FBXL19: variants seen among roughly 807,000 people sequenced by gnomAD.
FBXL19 encodes F-box/LRR-repeat protein 19.
Under a neutral mutation model 71.2 loss-of-function variants are expected in FBXL19, and 16 were observed. That is an observed-to-expected ratio of 0.22 (90% CI 0.15 to 0.34). FBXL19 has a LOEUF of 0.34. Among genes scored for constraint, FBXL19 ranks in the 10% least tolerant of loss-of-function variants. The pLI is 1.00. For missense variants in FBXL19, 658 were observed against 968.2 expected, an observed-to-expected ratio of 0.68 and a Z score of 4.25; for synonymous variants, 447 against 409.4, an observed-to-expected ratio of 1.09 and a Z score of -1.11.
In FBXL19 at chr16:30,930,921, C is replaced by T. The variant is rs1212139811; in HGVS notation, c.1301+337C>T. On this transcript the variant is annotated intron_variant, in intron 7 of 10. Transcript: ENST00000338343. This position sits in a 1 kb window ranked among gnomAD's most constrained non-coding sequence, Gnocchi z 8.5. ...CCAGTGCCTTTCCTCCTAATAGTAG[C>T]GACTATATTGAGTGTCTAGTGTGTG... is the stretch of plus-strand genomic sequence containing the variant. Among the ~76,000 whole-genome samples the T allele has an allele frequency of 6.6e-6, 1 of 152,106 alleles. No homozygotes were observed. The highest frequency in any genetic ancestry group is 1.5e-5 in the Non-Finnish European group (1 of 68,034).
rs2055662150 is a variant in FBXL19 at position 30,930,604 on chromosome 16, C to T, written c.1301+20C>T. 1.4e-6 allele frequency: 2 copies of T among 1,414,828 alleles called. No individual in the cohort carries two copies. Among genetic ancestry groups the T allele is most frequent in the Non-Finnish European group, 1.8e-6 (2 of 1,089,520 alleles). The allele number at this position is 1,414,828 out of a possible 1,614,324, so 87.6% of individuals were successfully genotyped here. ...CCGCTGGTGAGTGGCCTGGACAGGC[C>T]TGCGTTCCGTGGCCAGCAGGCTTCC... On this transcript the variant is annotated intron_variant, in intron 7 of 10. Transcript: ENST00000338343. The surrounding 1 kb of genome is among the most constrained non-coding windows in gnomAD (Gnocchi z 8.5).
intron 7 of FBXL19, among the ~76,000 whole-genome samples, chr16:30,935,265 G>A (rs2055719910): frequency 6.6e-6 from 1 of 152,184 alleles, no homozygotes; most frequent in African/African-American, 2.4e-5. Context: ...CGGACAGTGG[G>A]CAGTGAGATC....
At position 30,927,428 on chromosome 16, in the gene FBXL19, A is replaced by G. The variant is rs2055604888; in HGVS notation, c.298A>G (p.Ile100Val). Reference sequence around the variant, plus strand: ...CATGGAGTGTACAATCTGCAACGAGATCGTCCACCCCGGCTGCCTGAAGGT... The same window carrying G: ...CATGGAGTGTACAATCTGCAACGAGGTCGTCCACCCCGGCTGCCTGAAGGT... The part of the protein sequence containing the change: ...SLMECTICNE[I>V]VHPGCLKMGK... The change falls in exon 3 of 11, where the codon ATC becomes GTC. Residue 100 changes from isoleucine to valine, a missense_variant. Ile to Val is a conservative substitution (Grantham distance 29). This residue lies in a region of FBXL19 where 447 missense variants were observed against 515.4 expected (regional missense o/e 0.87). Coordinates refer to ENST00000338343, the MANE Select transcript of FBXL19 (RefSeq NM_001382779.1). 1 of 1,592,952 alleles carries G rather than the reference A, an allele frequency of 6.3e-7. No homozygotes were observed. Among genetic ancestry groups the G allele is most frequent in the Non-Finnish European group, 8.5e-7 (1 of 1,169,788 alleles).
intron 7 of FBXL19, among the ~76,000 whole-genome samples, chr16:30,941,473 AT>A (rs35117629): frequency 6.6e-6 from 1 of 152,000 alleles, no homozygotes; most frequent in African/African-American, 2.4e-5. Context: ...CTCAAAAAAA[AT>A]TTTTTTTCAA....
Position 30,948,072 on chromosome 16 carries a change from T to G in FBXL19, c.*842T>G. ...TCTCGGACCTGGGGGAGCCGGGGTG[T>G]GAGGGGACTGGACCAGCTTGGACTG... On this transcript the variant is annotated 3_prime_UTR_variant, in exon 11 of 11. Transcript: ENST00000338343. 3.4e-6 allele frequency: 1 copy of G among 290,810 alleles called. No homozygotes were observed. Among genetic ancestry groups the G allele is most frequent in the Non-Finnish European group, 6.9e-6 (1 of 144,698 alleles). The allele number at this position is 290,810 out of a possible 1,614,324, so 18.0% of individuals were successfully genotyped here.
At chr16:30,923,102 C>G, upstream of FBXL19, 1 of 456,658 alleles carries the variant, frequency 2.2e-6, no homozygotes, top group South Asian at 1.5e-5. Context: ...TTGTTCCTGA[C>G]GAGTAGAAAT....
chr16:30,931,085 T>G (rs113134731), intron 7 of FBXL19, among the ~76,000 whole-genome samples: 3 of 152,158 alleles, frequency 2.0e-5, no homozygotes, highest in African/African-American at 4.8e-5. Context: ...CAGCCAGGCT[T>G]GAACCTCCTG....
rs751696755 is a variant in FBXL19, at chr16:30,930,367, C to T, written c.1084C>T (p.Leu362Phe). 1.3e-6 allele frequency: 2 copies of T among 1,559,614 alleles called. No individual in the cohort carries two copies. Among genetic ancestry groups the T allele is most frequent in the East Asian group, 2.3e-5 (1 of 42,782 alleles). ...GCGCCCTGGCAGTGGGGGGCCCCTA[C>T]TCAGCTGGCCCCTGGGCCCAGCCCC... Reference protein sequence around the residue: ...AVRPGSGGPLLSWPLGPAPPP... With the variant: ...AVRPGSGGPLFSWPLGPAPPP... Residue 362 changes from leucine (L) to phenylalanine (F), a missense_variant, in exon 7 of 11, where the codon CTC (leucine) becomes TTC (phenylalanine). By Grantham distance (22) the Leu-to-Phe change is conservative. Coordinates refer to ENST00000338343, the MANE Select transcript of FBXL19 (RefSeq NM_001382779.1). This position sits in a 1 kb window ranked among gnomAD's most constrained non-coding sequence, Gnocchi z 8.5.
chr16:30,946,703 G>A lies in FBXL19; in HGVS notation c.1628-27G>A, dbSNP rs1212934659. On this transcript the variant is annotated intron_variant, in intron 9 of 10. Transcript: ENST00000338343. The surrounding 1 kb of genome is among the most constrained non-coding windows in gnomAD (Gnocchi z 6.7). ...GGCGCAGGGATGGGAGTGGCCAGGA[G>A]TGCTGACCTCTCATCTGGCTGCCCA... The A allele has an allele frequency of 3.1e-6, 5 of 1,599,128 alleles. No homozygotes were observed. The highest frequency in any genetic ancestry group is 2.2e-5 in the South Asian group (2 of 88,974).
At position 30,947,138 on chromosome 16, in the gene FBXL19, C is replaced by T. The variant is rs768259449; in HGVS notation, c.1933C>T (p.Leu645Phe). 1 of 1,600,330 alleles carries T rather than the reference C, an allele frequency of 6.2e-7. No individual in the cohort carries two copies. Among genetic ancestry groups the T allele is most frequent in the Non-Finnish European group, 8.5e-7 (1 of 1,179,452 alleles). Residue 645 changes from leucine to phenylalanine, a missense_variant, in exon 11 of 11, where the codon CTC (leucine) becomes TTC (phenylalanine). This residue lies in a region of FBXL19 where 69 missense variants were observed against 177.8 expected (regional missense o/e 0.39). Transcript: ENST00000338343. ...RRLDLRSCRQLSPEACARLAA... is the reference protein window; with the variant it reads ...RRLDLRSCRQFSPEACARLAA... ...CCTAGACCTGCGCTCCTGCCGCCAGCTCTCACCCGAAGCTTGTGCCCGGCT... is the reference window on the plus strand; with the variant it reads ...CCTAGACCTGCGCTCCTGCCGCCAGTTCTCACCCGAAGCTTGTGCCCGGCT...
chr16:30,929,486 C>T (rs755091623), intron 6 of FBXL19, among the ~76,000 whole-genome samples: 4 of 152,218 alleles, frequency 2.6e-5, no homozygotes, highest in Non-Finnish European at 4.4e-5. Flanking sequence ...AAAGCAGGGT[C>T]TCTCATTTCT....
At position 30,946,761 on chromosome 16, in the gene FBXL19, G is replaced by T. The variant is rs1236043195; in HGVS notation, c.1659G>T (p.Gly553=). 3.1e-6 allele frequency: 5 copies of T among 1,613,324 alleles called. No individual in the cohort carries two copies. The highest frequency in any genetic ancestry group is 1.7e-6 in the Non-Finnish European group (2 of 1,179,768). The change falls in exon 10 of 11, where the codon GGG becomes GGT. Residue 553 remains glycine (G), a synonymous_variant. Transcript: ENST00000338343. This position sits in a 1 kb window ranked among gnomAD's most constrained non-coding sequence, Gnocchi z 6.7. ...CAGAGAGCCGTGGTCGGCTGCAGGG[G>T]GTGGCAGAACTGCGTCTGGCAGGTT... ...GQTESRGRLQ[G]VAELRLAGLE... is the part of the protein sequence containing the mutation.
In FBXL19 at chr16:30,947,754, G is replaced by C; in HGVS notation, c.*524G>C. ...GGTGTCAGAGGTAGGGGAACCAGGG[G>C]CAAGCTGGGGCTGAGCTGGAGGTGG... On this transcript the variant is annotated 3_prime_UTR_variant, in exon 11 of 11. Coordinates refer to ENST00000338343, the MANE Select transcript of FBXL19 (RefSeq NM_001382779.1). 2 of 383,550 alleles carry C rather than the reference G, an allele frequency of 5.2e-6. No homozygotes were observed. The highest frequency in any genetic ancestry group is 1.0e-5 in the Non-Finnish European group (2 of 193,154). 23.8% of individuals were successfully genotyped at this position (383,550 alleles called of 1,614,324 possible). A position where few individuals can be genotyped will look rare whatever the true frequency, so the allele number is the denominator to read the frequency against.
chr16:30,934,694 C>G (rs1008693986), intron 7 of FBXL19, among the ~76,000 whole-genome samples: 1 of 151,432 alleles, frequency 6.6e-6, no homozygotes, highest in East Asian at 1.9e-4. Flanking sequence ...ACTTGACTAA[C>G]TGGCAGTGGG....
At position 30,947,887 on chromosome 16, in the gene FBXL19, C is replaced by T. The variant is rs776161792; in HGVS notation, c.*657C>T. On this transcript the variant is annotated 3_prime_UTR_variant, in exon 11 of 11. Coordinates refer to ENST00000338343, the MANE Select transcript of FBXL19 (RefSeq NM_001382779.1). ...CCCCTGACCCTGACTCCTTGAACGT[C>T]ACTGAAAACGGCAGCTATTGCAAGG... 4.4e-6 allele frequency: 2 copies of T among 455,064 alleles called. No individual in the cohort carries two copies. The allele number at this position is 455,064 out of a possible 1,614,324, so 28.2% of individuals were successfully genotyped here.
rs1478730499 is a variant in FBXL19 at position 30,928,526 on chromosome 16, A to G, written c.687A>G (p.Arg229=). 3.7e-6 allele frequency: 6 copies of G among 1,607,824 alleles called. No individual in the cohort carries two copies. Among genetic ancestry groups the G allele is most frequent in the Non-Finnish European group, 5.1e-6 (6 of 1,176,964 alleles). ...TGGGTGGAGACGCCTGCCTCCTCCGAGGATCGGACCCAGGCGGCCCGGGCC... is the reference window on the plus strand; with the variant it reads ...TGGGTGGAGACGCCTGCCTCCTCCGGGGATCGGACCCAGGCGGCCCGGGCC... ...KKVGGDACLL[R]GSDPGGPGLL... Residue 229 remains arginine, a synonymous_variant, in exon 6 of 11, where the codon CGA becomes CGG. Transcript: ENST00000338343.
chr16:30,943,169 C>G (rs1000380719), intron 9 of FBXL19, among the ~76,000 whole-genome samples: 2 of 152,074 alleles, frequency 1.3e-5, no homozygotes, highest in African/African-American at 4.8e-5. Flanking sequence ...ATTTGCAGTC[C>G]CCTGAAATAA....
intron 9 of FBXL19, among the ~76,000 whole-genome samples, chr16:30,945,413 A>G (rs1415718130): frequency 6.6e-6 from 1 of 152,138 alleles, no homozygotes; most frequent in Non-Finnish European, 1.5e-5. Flanking sequence ...TAATCCTAGC[A>G]CTTTGGGAGG....
chr16:30,939,603 A>G (rs560915781), intron 7 of FBXL19, among the ~76,000 whole-genome samples: 1 of 150,614 alleles, frequency 6.6e-6, no homozygotes, highest in East Asian at 2.0e-4. Flanking sequence ...TTTTTTTAGT[A>G]GAGACGGGGT....
Sources: allele counts gnomAD v4.1 joint callset (sites outside exome capture counted in the v4.1 genomes callset), GRCh38; gene constraint gnomAD v4.1.1; regional missense constraint gnomAD v4.1.1; non-coding constraint Gnocchi (gnomAD v3.1); transcripts MANE v1.5; gene names NCBI Gene and HGNC (gene_info 2026-07-23, HGNC 2026-07-21).